Variants in TSKS observed in about 807,000 individuals in gnomAD.
The protein encoded by TSKS is testis-specific serine kinase substrate.
Under a neutral mutation model 68.0 loss-of-function variants are expected in TSKS, and 27 were observed. The ratio of observed to expected loss-of-function variants is 0.40; its 90% confidence interval spans 0.29 to 0.55. TSKS has a LOEUF of 0.55. TSKS is among the 20% of genes least tolerant of loss of function. The pLI, the probability that TSKS is intolerant of heterozygous loss-of-function variation, is 0.53. For synonymous variants in TSKS, 331 were observed against 340.4 expected (o/e 0.97, Z 0.30); for missense variants, 806 against 776.0 (o/e 1.04, Z -0.46).
rs11879846 is a variant in TSKS, at chr19:49,761,663, G to A, written c.399+341C>T. On this transcript the variant is annotated intron_variant, in intron 2 of 10. Coordinates refer to ENST00000246801, the MANE Select transcript of TSKS (RefSeq NM_021733.2). ...ACTGGGGACATTTGGGAGTGACTGT[G>A]TGAACTGAAGACCACCCAGGCCAGG... Among the ~76,000 whole-genome samples, 1,222 of 152,260 alleles carry A rather than the reference G, an allele frequency of 8.0e-3. 20 individuals are homozygous for A. The highest frequency in any genetic ancestry group is 0.027 in the African/African-American group (1,142 of 41,544).
intron 2 of TSKS, among the ~76,000 whole-genome samples, chr19:49,756,577 AC>A (rs1162977628): frequency 2.6e-5 from 4 of 151,710 alleles, no homozygotes; most frequent in African/African-American, 9.7e-5. Flanking sequence ...AAAAAAAAAA[AC>A]ACTCCACAAA....
rs184398617 is a variant in TSKS, at chr19:49,753,747, T to C, written c.400-5278A>G. ...TGGCCTGGGCAACAGAGCAAGATCA[T>C]GTCTCAAATAATAATAAAAATAAAT... On this transcript the variant is annotated intron_variant, in intron 2 of 10. Transcript: ENST00000246801. Among the ~76,000 whole-genome samples the C allele has an allele frequency of 5.3e-5, 8 of 149,918 alleles. 1 individual carries two copies. The highest frequency in any genetic ancestry group is 2.0e-4 in the East Asian group (1 of 5,126).
chr19:49,746,422 GT>G, intron 6 of TSKS, 47 bp downstream of exon 6: 1 of 1,603,794 alleles, frequency 6.2e-7, no homozygotes, highest in Non-Finnish European at 8.5e-7. Context: ...CCACCCCTGA[GT>G]CCCCGCCGAT....
intron 9 of TSKS, among the ~76,000 whole-genome samples, chr19:49,740,569 C>G (rs1392874870): frequency 6.6e-6 from 1 of 152,180 alleles, no homozygotes; most frequent in Non-Finnish European, 1.5e-5. Flanking sequence ...ATCTCCTTAT[C>G]CATTAGACCA....
intron 2 of TSKS, among the ~76,000 whole-genome samples, chr19:49,752,971 C>G (rs2084363068): frequency 1.3e-5 from 2 of 152,214 alleles, no homozygotes; most frequent in African/African-American, 4.8e-5. Flanking sequence ...CACAGAGTGC[C>G]ATTTGGCAAA....
intron 2 of TSKS, among the ~76,000 whole-genome samples, chr19:49,754,841 T>A (rs907712100): frequency 1.3e-5 from 2 of 152,224 alleles, no homozygotes; most frequent in Non-Finnish European, 2.9e-5. Context: ...GGCTCACACC[T>A]GTAATCCCAG....
chr19:49,741,542 C>T (rs73064029), intron 9 of TSKS, among the ~76,000 whole-genome samples: 7,726 of 152,128 alleles, frequency 0.051, 193 homozygotes, highest in East Asian at 0.09. Flanking sequence ...TACAATGCAC[C>T]GCCTCTCTAA....
At chr19:49,744,486 C>G (rs910072847) in intron 7 of TSKS, 82 bp from the exon 8 acceptor site, 19 of 1,442,036 alleles carry the variant, frequency 1.3e-5, no homozygotes, top group Non-Finnish European at 1.8e-5. Context: ...ATTAGCCCAC[C>G]ACTTGCGTCT....
chr19:49,744,378 G>A lies in TSKS; in HGVS notation c.1214C>T (p.Ala405Val). Residue 405 changes from alanine to valine, a missense_variant, in exon 8 of 11, where the codon GCT becomes GTT. Physicochemically the swap from Ala to Val is moderately conservative, Grantham distance 64 (BLOSUM62 0). Transcript: ENST00000246801. ...CCCCTCCAGTTCGCTCCTCAGTGAAGCCACAGACACTGCTGACCGCTCCAC... is the reference window on the plus strand; with the variant it reads ...CCCCTCCAGTTCGCTCCTCAGTGAAACCACAGACACTGCTGACCGCTCCAC... ...TMVERSAVSV[A>V]SLRSELEGLG... is the part of the protein sequence containing the mutation. 1 of 1,614,052 alleles carries A rather than the reference G, an allele frequency of 6.2e-7. No individual in the cohort carries two copies. Among genetic ancestry groups the A allele is most frequent in the Non-Finnish European group, 8.5e-7 (1 of 1,180,002 alleles).
At chr19:49,759,184 G>T (rs545036332) in intron 2 of TSKS, among the ~76,000 whole-genome samples, 14 of 151,428 alleles carry the variant, frequency 9.2e-5, no homozygotes, top group African/African-American at 2.7e-4. Flanking sequence ...AAATTAGCTG[G>T]GTGAAGCCGG....
intron 2 of TSKS, among the ~76,000 whole-genome samples, chr19:49,758,561 G>A (rs1318198841): frequency 6.6e-6 from 1 of 152,164 alleles, no homozygotes; most frequent in Non-Finnish European, 1.5e-5. Context: ...ACAGGGCGGA[G>A]AGCTCTTCTG....
Position 49,739,806 on chromosome 19 carries a change from T to TG in TSKS, c.1748dup (p.Gln585ThrfsTer7), listed in dbSNP as rs749002253. 16 of 1,560,370 alleles carry TG rather than the reference T, an allele frequency of 1.0e-5. No individual in the cohort carries two copies. The highest frequency in any genetic ancestry group is 1.7e-4 in the Middle Eastern group (1 of 5,972). ...GTTCAGGGGCTGAGCCCCCCTGTTT[T>TG]GGGGGGGTTCCTGCACTGCTGCCTC... On this transcript the variant is annotated frameshift_variant, in exon 11 of 11. Transcript: ENST00000246801. LOFTEE classifies it high-confidence loss of function.
intron 6 of TSKS, among the ~76,000 whole-genome samples, 159 bp downstream of exon 6, chr19:49,746,311 G>A (rs992265195): frequency 1.1e-4 from 16 of 147,740 alleles, no homozygotes; most frequent in African/African-American, 4.1e-4. Context: ...CCATGTTCCC[G>A]CCCACCTCAG....
At position 49,744,399 on chromosome 19, in the gene TSKS, T is replaced by C. The variant is rs2084279295; in HGVS notation, c.1193A>G (p.Glu398Gly). 2 of 1,613,348 alleles carry C rather than the reference T, an allele frequency of 1.2e-6. No individual in the cohort carries two copies. The highest frequency in any genetic ancestry group is 1.7e-6 in the Non-Finnish European group (2 of 1,179,514). Residue 398 changes from glutamate (E) to glycine (G), a missense_variant, in exon 8 of 11, where the codon GAG becomes GGG. Coordinates refer to ENST00000246801, the MANE Select transcript of TSKS (RefSeq NM_021733.2). ...GRADELCTMV[E>G]RSAVSVASLR... ...TGAAGCCACAGACACTGCTGACCGC[T>C]CCACCCTGAGGCATGAGTAACCAGT...
chr19:49,749,630 T>G (rs1249651971), intron 2 of TSKS, among the ~76,000 whole-genome samples: 2 of 149,478 alleles, frequency 1.3e-5, no homozygotes, highest in African/African-American at 2.5e-5. Flanking sequence ...TTGGGGGAGG[T>G]GTGTGTGTGT....
intron 2 of TSKS, among the ~76,000 whole-genome samples, chr19:49,761,696 G>A (rs67006152): frequency 0.11 from 16,760 of 152,132 alleles, 998 homozygotes; most frequent in South Asian, 0.22. Flanking sequence ...AGGCACGGGG[G>A]CTCTCGCCTG....
At chr19:49,745,814 T>C (rs2084293724) in intron 6 of TSKS, among the ~76,000 whole-genome samples, 1 of 151,974 alleles carries the variant, frequency 6.6e-6, no homozygotes, top group African/African-American at 2.4e-5. Context: ...CCTTATTCTG[T>C]CCCTCCCTTG....
intron 10 of TSKS, 29 bp from the exon 11 acceptor site, chr19:49,739,961 C>A: frequency 6.2e-7 from 1 of 1,607,152 alleles, no homozygotes; most frequent in Non-Finnish European, 8.5e-7. Context: ...GAGTTGATGG[C>A]GGCATGGCTA....
Position 49,756,102 on chromosome 19 carries a change from A to G in TSKS, c.399+5902T>C, listed in dbSNP as rs1568565944. On this transcript the variant is annotated intron_variant, in intron 2 of 10. Transcript: ENST00000246801. Reference sequence around the variant, plus strand: ...ATACTAGCAAACCAAATCCAACAGCATGTAAAAAGGATTATACATGGTGAC... The same window carrying G: ...ATACTAGCAAACCAAATCCAACAGCGTGTAAAAAGGATTATACATGGTGAC... 3.9e-5 allele frequency among the ~76,000 whole-genome samples: 6 copies of G among 152,318 alleles called. 1 individual carries two copies. In the South Asian group the frequency reaches 1.0e-3, roughly 26 times the overall value.
Sources: allele counts gnomAD v4.1 joint callset (sites outside exome capture counted in the v4.1 genomes callset), GRCh38; gene constraint gnomAD v4.1.1; transcripts MANE v1.5; gene names NCBI Gene and HGNC (gene_info 2026-07-23, HGNC 2026-07-21).